LONP2: variants seen among roughly 807,000 people sequenced by gnomAD.
The protein encoded by LONP2 is lon protease homolog 2, peroxisomal.
A neutral mutation model predicts 85.6 loss-of-function variants in LONP2; 60 were observed. The ratio of observed to expected loss-of-function variants is 0.70; its 90% confidence interval spans 0.57 to 0.87. The LOEUF is 0.87. Among genes scored for constraint, LONP2 ranks in the 40% least tolerant of loss-of-function variants. The pLI is 0.00. For missense variants in LONP2, 860 were observed against 1,063.5 expected, an observed-to-expected ratio of 0.81 and a Z score of 2.66; for synonymous variants, 395 against 389.7, an observed-to-expected ratio of 1.01 and a Z score of -0.16.
At chr16:48,288,145 T>G (rs989324826) in intron 8 of LONP2, among the ~76,000 whole-genome samples, 8 of 150,780 alleles carry the variant, frequency 5.3e-5, no homozygotes, top group African/African-American at 1.5e-4. Flanking sequence ...TGTATTAGTC[T>G]TCTTCTTTTT....
chr16:48,265,170 T>G (rs932395610), intron 6 of LONP2, among the ~76,000 whole-genome samples: 2 of 152,216 alleles, frequency 1.3e-5, no homozygotes, highest in Non-Finnish European at 1.5e-5. Context: ...ATAGGTTGCC[T>G]TCTCATTTTG....
intron 9 of LONP2, among the ~76,000 whole-genome samples, chr16:48,298,689 T>A (rs948698654): frequency 6.7e-6 from 1 of 148,216 alleles, no homozygotes; most frequent in Non-Finnish European, 1.5e-5. Flanking sequence ...TAGATCAAAT[T>A]AGGCTAAAAA....
intron 8 of LONP2, among the ~76,000 whole-genome samples, chr16:48,284,069 G>C (rs561011608): frequency 1.5e-3 from 222 of 152,310 alleles, no homozygotes; most frequent in African/African-American, 5.0e-3. Flanking sequence ...AAGAGAACTA[G>C]AATTAGAACC....
downstream of LONP2, among the ~76,000 whole-genome samples, chr16:48,358,236 A>C (rs1036068106): frequency 1.3e-5 from 2 of 152,192 alleles, no homozygotes; most frequent in Non-Finnish European, 2.9e-5. Context: ...GCAAAACATG[A>C]GGTGAAAATG....
At chr16:48,301,179 A>T (rs2151000360) in intron 10 of LONP2, among the ~76,000 whole-genome samples, 1 of 152,234 alleles carries the variant, frequency 6.6e-6, no homozygotes. Context: ...TGAGTTTTTC[A>T]TCTTTTGTGA....
intron 11 of LONP2, among the ~76,000 whole-genome samples, chr16:48,326,345 A>G (rs999838246): frequency 2.0e-5 from 3 of 152,058 alleles, no homozygotes; most frequent in African/African-American, 7.2e-5. Flanking sequence ...TCCCTAACCC[A>G]CAGGCATTAA....
intron 11 of LONP2, among the ~76,000 whole-genome samples, chr16:48,325,205 A>C (rs1255944264): frequency 6.6e-6 from 1 of 152,108 alleles, no homozygotes; most frequent in African/African-American, 2.4e-5. Context: ...CTCCTATGAG[A>C]ATCTAATGCC....
At chr16:48,327,559 G>A (rs1242957423) in intron 11 of LONP2, among the ~76,000 whole-genome samples, 2 of 152,144 alleles carry the variant, frequency 1.3e-5, no homozygotes, top group Admixed American at 1.3e-4. Flanking sequence ...CCGGGTTCAA[G>A]CGATTCTCAT....
chr16:48,258,509 T>C (rs1431366221), intron 3 of LONP2, 109 bp from the exon 4 acceptor site: 3 of 1,094,464 alleles, frequency 2.7e-6, no homozygotes, highest in African/African-American at 3.2e-5. Context: ...CTTTGAATAC[T>C]GTTAATAATT....
chr16:48,351,783 T>G lies in LONP2; in HGVS notation c.2540T>G (p.Leu847Arg). ...TTTACTGTCAAGACCAGACCTGGTC[T>G]GTTAAATAGCAAACTGTAGGTCCAA... ...GGFTVKTRPG[L>R]LNSKL The change falls in exon 15 of 15, where the codon CTG (leucine) becomes CGG (arginine). Residue 847 changes from leucine (L) to arginine (R), a missense_variant. Transcript: ENST00000285737. 4 of 1,614,120 alleles carry G rather than the reference T, an allele frequency of 2.5e-6. No homozygotes were observed. The highest frequency in any genetic ancestry group is 3.4e-6 in the Non-Finnish European group (4 of 1,179,960).
intron 11 of LONP2, among the ~76,000 whole-genome samples, chr16:48,317,349 T>A (rs1196220043): frequency 3.3e-5 from 5 of 152,232 alleles, no homozygotes; most frequent in Admixed American, 3.3e-4. Flanking sequence ...AACCTCTAAT[T>A]TTCAGAATTA....
At chr16:48,247,923 G>T (rs982908832) in intron 1 of LONP2, among the ~76,000 whole-genome samples, 3 of 152,050 alleles carry the variant, frequency 2.0e-5, no homozygotes, top group African/African-American at 7.2e-5. Flanking sequence ...GAGCCACCAT[G>T]CCTGGCCTAT....
intron 3 of LONP2, among the ~76,000 whole-genome samples, chr16:48,258,069 C>G (rs1197562734): frequency 6.6e-6 from 1 of 152,090 alleles, no homozygotes; most frequent in Admixed American, 6.5e-5. Flanking sequence ...CAGCTTCGGC[C>G]GGGCGCAGTG....
chr16:48,280,529 C>T (rs940896318), intron 8 of LONP2, among the ~76,000 whole-genome samples: 1 of 152,082 alleles, frequency 6.6e-6, no homozygotes, highest in East Asian at 1.9e-4. Flanking sequence ...ATTTTCTTGT[C>T]TGATGTAGAC....
At chr16:48,303,139 A>C (rs1007998182) in intron 10 of LONP2, 33 bp from the exon 11 acceptor site, 7 of 1,610,580 alleles carry the variant, frequency 4.3e-6, no homozygotes, top group Non-Finnish European at 5.9e-6. Context: ...AGTGGTATAT[A>C]GTCAAAAATA....
At chr16:48,328,721 T>G (rs988921997) in intron 11 of LONP2, among the ~76,000 whole-genome samples, 8 of 148,050 alleles carry the variant, frequency 5.4e-5, no homozygotes, top group East Asian at 2.0e-4. Context: ...GGTACACACC[T>G]GTAATCCCAG....
intron 11 of LONP2, among the ~76,000 whole-genome samples, chr16:48,331,839 C>T (rs140774041): frequency 0.082 from 12,502 of 152,330 alleles, 553 homozygotes; most frequent in Middle Eastern, 0.11. Flanking sequence ...GCTGGGATTA[C>T]AGGCGTGAGC....
At chr16:48,324,965 T>A (rs1973339213) in intron 11 of LONP2, among the ~76,000 whole-genome samples, 1 of 152,178 alleles carries the variant, frequency 6.6e-6, no homozygotes, top group African/African-American at 2.4e-5. Context: ...TCTAGCTATT[T>A]TGAAATATAC....
At chr16:48,336,431 G>A (rs900400462) in intron 12 of LONP2, 7 of 456,064 alleles carry the variant, frequency 1.5e-5, no homozygotes, top group Non-Finnish European at 2.6e-5. Context: ...TGTCACATGC[G>A]TGCGTGCGGA....
Sources: gnomAD v4.1 joint callset for allele counts (sites outside exome capture counted in the v4.1 genomes callset) on GRCh38, gnomAD v4.1.1 for gene constraint, MANE v1.5 for transcripts, NCBI Gene and HGNC (gene_info 2026-07-23, HGNC 2026-07-21) for gene names.